The following NQO2 variants were observed in gnomAD, a reference collection of about 807,000 sequenced individuals.
NQO2 encodes ribosyldihydronicotinamide dehydrogenase [quinone].
In NQO2, 18 loss-of-function variants were observed where a neutral mutation model predicts 22.0. The observed-to-expected ratio is 0.82, with a 90% CI of 0.56 to 1.21. The LOEUF (loss-of-function observed/expected upper bound fraction) is 1.21, where lower values mean the gene tolerates loss of function less well. Among genes scored for constraint, NQO2 ranks in the 50% most tolerant of loss-of-function variants. The probability of loss-of-function intolerance (pLI) is 0.00; values close to 1 mark genes in which losing one functional copy is unlikely to be tolerated. For synonymous variants in NQO2, 106 were observed against 110.8 expected, an observed-to-expected ratio of 0.96 and a Z score of 0.28; for missense variants, 267 against 286.9, an observed-to-expected ratio of 0.93 and a Z score of 0.50.
intron 3 of NQO2, among the ~76,000 whole-genome samples, chr6:3,011,720 TTCATCTGGCAACAGACTTC>T (rs1757142931): frequency 6.6e-6 from 1 of 152,090 alleles, no homozygotes; most frequent in Non-Finnish European, 1.5e-5. Flanking sequence ...AGAGCTCCAG[TTCATCTGGCAACAGACTTC>T]TCAACAGAAA....
At chr6:3,014,683 A>T (rs1454530910) in intron 4 of NQO2, among the ~76,000 whole-genome samples, 1 of 151,734 alleles carries the variant, frequency 6.6e-6, no homozygotes. Context: ...TTTATTCAAC[A>T]TTAATAAAAA....
At chr6:3,015,022 A>G in intron 4 of NQO2, 2 of 1,095,920 alleles carry the variant, frequency 1.8e-6, no homozygotes, top group East Asian at 5.9e-5. Flanking sequence ...GTAACACTGG[A>G]TGTAATGTTA....
At chr6:3,001,042 C>T (rs1018304928) in intron 1 of NQO2, among the ~76,000 whole-genome samples, 2 of 150,890 alleles carry the variant, frequency 1.3e-5, no homozygotes, top group Admixed American at 1.3e-4. Flanking sequence ...GGGAGTTTCA[C>T]CATATTGGCC....
chr6:3,008,104 CT>C (rs1315132542), intron 2 of NQO2, among the ~76,000 whole-genome samples: 2 of 152,222 alleles, frequency 1.3e-5, no homozygotes, highest in African/African-American at 4.8e-5. Context: ...TGCTTTAAAA[CT>C]GCCACCTATT....
At chr6:3,001,126 A>G (rs1349850520) in intron 1 of NQO2, among the ~76,000 whole-genome samples, 4 of 83,758 alleles carry the variant, frequency 4.8e-5, no homozygotes, top group Non-Finnish European at 7.1e-5. Context: ...TTTCACTCTT[A>G]TTGCCCAAGC....
At chr6:3,017,577 A>G (rs982206775) in intron 6 of NQO2, among the ~76,000 whole-genome samples, 1 of 152,152 alleles carries the variant, frequency 6.6e-6, no homozygotes. Flanking sequence ...TGCCTGCGTG[A>G]GTGTCCCTGG....
intron 1 of NQO2, chr6:3,003,630 T>G (rs907733798): frequency 2.7e-5 from 17 of 622,292 alleles, no homozygotes; most frequent in Non-Finnish European, 3.0e-5. Context: ...CTACCTGTAT[T>G]CATAAACTTT....
chr6:3,016,169 G>A (rs1385715173), intron 5 of NQO2, among the ~76,000 whole-genome samples: 2 of 152,130 alleles, frequency 1.3e-5, no homozygotes, highest in Non-Finnish European at 2.9e-5. Flanking sequence ...AGTGGCTCAC[G>A]CCTGTAATCC....
chr6:3,018,374 G>T (rs547034411), intron 6 of NQO2, among the ~76,000 whole-genome samples: 1 of 152,086 alleles, frequency 6.6e-6, no homozygotes, highest in Non-Finnish European at 1.5e-5. Flanking sequence ...GTGTGGTGGC[G>T]GACACCTGTA....
rs1483331076 is a variant in NQO2, at chr6:3,004,373, G to T, written c.-85-2095G>T. On this transcript the variant is annotated intron_variant, in intron 1 of 6. Coordinates refer to ENST00000380455, the MANE Select transcript of NQO2 (RefSeq NM_000904.6). ...GATTTGAAGTCACCTTTGGGTGTTT[G>T]GAGTGATCAGAGCTGTCTGCCCTCT... 5 of 984,464 alleles carry T rather than the reference G, an allele frequency of 5.1e-6. No homozygotes were observed. The East Asian group carries it at 5.7e-4, about 112-fold the overall frequency. 61.0% of individuals were successfully genotyped at this position (984,464 alleles called of 1,614,324 possible). A position where few individuals can be genotyped will look rare whatever the true frequency, so the allele number is the denominator to read the frequency against.
At chr6:3,011,030 C>T (rs1002181315) in intron 3 of NQO2, among the ~76,000 whole-genome samples, 2 of 151,990 alleles carry the variant, frequency 1.3e-5, no homozygotes, top group African/African-American at 4.8e-5. Context: ...ACAAGTCAGA[C>T]ATAGAAGACT....
intron 2 of NQO2, among the ~76,000 whole-genome samples, chr6:3,007,167 TC>T (rs1396855389): frequency 2.0e-5 from 3 of 152,084 alleles, no homozygotes; most frequent in Non-Finnish European, 2.9e-5. Flanking sequence ...TGGGGGGTCA[TC>T]CTGTGCACCC....
intron 6 of NQO2, among the ~76,000 whole-genome samples, chr6:3,017,712 A>G (rs952872700): frequency 1.3e-5 from 2 of 152,042 alleles, no homozygotes; most frequent in Non-Finnish European, 2.9e-5. Context: ...GGGAGTGGGG[A>G]GCAGACTCCA....
At chr6:3,015,482 C>T (rs1325457476) in intron 4 of NQO2, 48 bp from the exon 5 acceptor site, 1 of 1,600,022 alleles carries the variant, frequency 6.2e-7, no homozygotes, top group East Asian at 2.2e-5. Context: ...ACTAGGAAAC[C>T]TGAGGCGAGC....
At chr6:3,007,276 G>C (rs1034567284) in intron 2 of NQO2, among the ~76,000 whole-genome samples, 2 of 152,186 alleles carry the variant, frequency 1.3e-5, no homozygotes, top group Admixed American at 6.5e-5. Flanking sequence ...TCCAGGCATT[G>C]AGAAACGTCC....
In NQO2 at chr6:3,015,598, C is replaced by G. The variant is rs1166724489; in HGVS notation, c.372C>G (p.Gly124=). ...GGATGGATAGGGTGCTGTGCCAGGGCTTTGCCTTTGACATCCCAGGATTCT... is the reference window on the plus strand; with the variant it reads ...GGATGGATAGGGTGCTGTGCCAGGGGTTTGCCTTTGACATCCCAGGATTCT... The part of the protein sequence containing the change: ...KGWMDRVLCQ[G]FAFDIPGFYD... Residue 124 remains glycine (G), a synonymous_variant, in exon 5 of 7, where the codon GGC becomes GGG. Coordinates refer to ENST00000380455, the MANE Select transcript of NQO2 (RefSeq NM_000904.6). 6.2e-7 allele frequency: 1 copy of G among 1,614,082 alleles called. No individual in the cohort carries two copies.
chr6:3,014,007 T>G (rs1757238137), intron 4 of NQO2, among the ~76,000 whole-genome samples: 1 of 152,134 alleles, frequency 6.6e-6, no homozygotes, highest in African/African-American at 2.4e-5. Flanking sequence ...ATCTGATTGG[T>G]TCAGATCATT....
chr6:3,015,140 C>T, intron 4 of NQO2: 1 of 1,300,298 alleles, frequency 7.7e-7, no homozygotes, highest in Non-Finnish European at 1.0e-6. Context: ...AGTCTGACTT[C>T]CAGATGCTAA....
intron 1 of NQO2, chr6:3,004,531 C>T: frequency 1.1e-5 from 11 of 985,594 alleles, no homozygotes; most frequent in African/African-American, 1.7e-5. Context: ...CCTCAGCACC[C>T]ACCTCACTTC....
Sources: gnomAD v4.1 joint callset for allele counts (sites outside exome capture counted in the v4.1 genomes callset) on GRCh38, gnomAD v4.1.1 for gene constraint, MANE v1.5 for transcripts, NCBI Gene and HGNC (gene_info 2026-07-23, HGNC 2026-07-21) for gene names.